ATP10B: variants seen among roughly 807,000 people sequenced by gnomAD.
The protein encoded by ATP10B is phospholipid-transporting ATPase VB.
Under a neutral mutation model 141.2 loss-of-function variants are expected in ATP10B, and 122 were observed. The observed-to-expected ratio is 0.86, with a 90% CI of 0.75 to 1.00. The LOEUF is 1.00. Ranked by LOEUF, ATP10B falls within the 50% of genes least tolerant of loss-of-function variation. The pLI, the probability that ATP10B is intolerant of heterozygous loss-of-function variation, is 0.00. For synonymous variants in ATP10B, 685 were observed against 692.0 expected (o/e 0.99, Z 0.16); for missense variants, 1,876 against 1,825.3 (o/e 1.03, Z -0.51).
chr5:160,631,508 G>A (rs1296696285), intron 13 of ATP10B, among the ~76,000 whole-genome samples: 1 of 152,226 alleles, frequency 6.6e-6, no homozygotes, highest in African/African-American at 2.4e-5. Context: ...GGAATGAAAT[G>A]GTCTGGGTAA....
chr5:160,620,715 C>A lies in ATP10B; in HGVS notation c.2048G>T (p.Ser683Ile). The stretch of plus-strand genomic sequence containing the variant: ...CAGGATGTCGCCCTGGTCCCACATG[C>A]TGCTCCTGTAGCCACCGTCATCAGT... ...DSTDDGGYRS[S>I]MWDQGDILES... Residue 683 changes from serine (S) to isoleucine (I), a missense_variant, in exon 15 of 26, where the codon AGC becomes ATC. Physicochemically the swap from Ser to Ile is moderately radical, Grantham distance 142 (BLOSUM62 -2). Transcript: ENST00000327245. 6.2e-7 allele frequency: 1 copy of A among 1,614,220 alleles called. No individual in the cohort carries two copies. Among genetic ancestry groups the A allele is most frequent in the Non-Finnish European group, 8.5e-7 (1 of 1,180,036 alleles).
chr5:160,582,966 T>G (rs1380871277), intron 24 of ATP10B, among the ~76,000 whole-genome samples: 1 of 152,232 alleles, frequency 6.6e-6, no homozygotes, highest in Non-Finnish European at 1.5e-5. Context: ...GTTGTTTTAG[T>G]TAGCCATCCC....
chr5:160,689,184 A>G (rs150009905), intron 3 of ATP10B, among the ~76,000 whole-genome samples: 124 of 152,356 alleles, frequency 8.1e-4, no homozygotes, highest in African/African-American at 2.7e-3. Context: ...AACACCCTTC[A>G]TGCTAAAAAC....
chr5:160,860,407 T>C, the ATP10B span, among the ~76,000 whole-genome samples: 4 of 151,916 alleles, frequency 2.6e-5, no homozygotes, highest in East Asian at 7.7e-4. Context: ...GAGATAAGTT[T>C]AATGGGTCTT....
intron 7 of ATP10B, among the ~76,000 whole-genome samples, chr5:160,659,325 T>C (rs1761734729): frequency 6.6e-6 from 1 of 151,584 alleles, no homozygotes; most frequent in African/African-American, 2.4e-5. Context: ...ATTAGCCGGG[T>C]ATGGTAGTGG....
chr5:160,685,761 C>A (rs1191174918), intron 6 of ATP10B, among the ~76,000 whole-genome samples: 7 of 152,174 alleles, frequency 4.6e-5, no homozygotes, highest in African/African-American at 1.7e-4. Context: ...CAAGTTTTCT[C>A]AGCCTCAGCA....
the ATP10B span, among the ~76,000 whole-genome samples, chr5:160,863,277 A>C: frequency 6.6e-6 from 1 of 151,982 alleles, no homozygotes; most frequent in Non-Finnish European, 1.5e-5. Flanking sequence ...GTCCTAGAGA[A>C]TGGTTACAAC....
At chr5:160,704,164 G>A (rs942179747) in intron 3 of ATP10B, among the ~76,000 whole-genome samples, 3 of 151,704 alleles carry the variant, frequency 2.0e-5, no homozygotes, top group Non-Finnish European at 2.9e-5. Context: ...CGATCCTCTC[G>A]CCTCAGCCTC....
intron 7 of ATP10B, among the ~76,000 whole-genome samples, chr5:160,653,614 CATATATATTATATATACATATATACATAT>C (rs1561705252): frequency 1.3e-4 from 3 of 23,832 alleles, no homozygotes; most frequent in Admixed American, 3.7e-4. Flanking sequence ...TACATATATA[CATATATATTATATATACATATATACATAT>C]ATATTATATA....
chr5:160,768,931 G>A (rs1769680048), intron 2 of ATP10B, among the ~76,000 whole-genome samples: 1 of 152,180 alleles, frequency 6.6e-6, no homozygotes, highest in South Asian at 2.1e-4. Flanking sequence ...GGTGAACTCT[G>A]AAAACAGGAG....
At chr5:160,583,497 G>A (rs1330521554) in intron 24 of ATP10B, among the ~76,000 whole-genome samples, 8 of 152,172 alleles carry the variant, frequency 5.3e-5, no homozygotes, top group Non-Finnish European at 1.0e-4. Flanking sequence ...CCTGTATGAG[G>A]TGTCTCCCAA....
chr5:160,801,090 C>T (rs560866211), intron 1 of ATP10B, among the ~76,000 whole-genome samples: 49 of 152,300 alleles, frequency 3.2e-4, no homozygotes, highest in African/African-American at 1.2e-3. Flanking sequence ...TTGGCCTCCT[C>T]CTTGATATCT....
intron 2 of ATP10B, among the ~76,000 whole-genome samples, chr5:160,777,835 T>C (rs1022143764): frequency 1.3e-5 from 2 of 152,182 alleles, no homozygotes; most frequent in Non-Finnish European, 2.9e-5. Context: ...TTACATAAAT[T>C]TTGGTACATT....
In ATP10B at chr5:160,842,145, A is replaced by G. The variant is rs575820207; in HGVS notation, c.-576+9796T>C. On this transcript the variant is annotated intron_variant, in intron 1 of 25. Coordinates refer to ENST00000327245, the MANE Select transcript of ATP10B (RefSeq NM_025153.3). ...TAGACATGTTTTCAGACCATAATAG[A>G]TATAAGCTAGAAATAAGTAACCAAA... 5.9e-5 allele frequency among the ~76,000 whole-genome samples: 9 copies of G among 152,330 alleles called. No homozygotes were observed. In the East Asian group the frequency reaches 1.2e-3, roughly 20 times the overall value.
At chr5:160,749,567 A>T (rs1000672896) in intron 2 of ATP10B, among the ~76,000 whole-genome samples, 13 of 152,258 alleles carry the variant, frequency 8.5e-5, no homozygotes, top group African/African-American at 2.6e-4. Flanking sequence ...CCTCCAATAC[A>T]TAGAAGGAAA....
chr5:160,724,468 CT>C (rs1766200948), intron 2 of ATP10B, among the ~76,000 whole-genome samples: 2 of 152,144 alleles, frequency 1.3e-5, no homozygotes, highest in African/African-American at 4.8e-5. Flanking sequence ...GCACTCAAAA[CT>C]CTCCATTGGC....
intron 24 of ATP10B, 143 bp downstream of exon 24, chr5:160,589,449 C>T: frequency 3.0e-6 from 2 of 668,198 alleles, no homozygotes; most frequent in Non-Finnish European, 2.7e-6. Context: ...CCTTTCATCC[C>T]TGTACAGGTA....
chr5:160,694,094 C>T (rs1203004088), intron 3 of ATP10B, among the ~76,000 whole-genome samples: 2 of 152,172 alleles, frequency 1.3e-5, no homozygotes, highest in Non-Finnish European at 2.9e-5. Context: ...GGATTCCAAG[C>T]ATCATTCTGG....
the ATP10B span, among the ~76,000 whole-genome samples, chr5:160,868,521 TAC>T: frequency 0.084 from 10,920 of 130,194 alleles, 474 homozygotes; most frequent in Admixed American, 0.15. Context: ...TATGAACAGA[TAC>T]ACACACACAC....
Sources: allele counts gnomAD v4.1 joint callset (sites outside exome capture counted in the v4.1 genomes callset), GRCh38; gene constraint gnomAD v4.1.1; transcripts MANE v1.5; gene names NCBI Gene and HGNC (gene_info 2026-07-23, HGNC 2026-07-21).